The following DLG2 variants were observed in gnomAD, a reference collection of about 807,000 sequenced individuals.
DLG2 encodes the protein discs large MAGUK scaffold protein 2, also known as disks large homolog 2.
DLG2 carries 45 observed loss-of-function variants against 132.5 expected under a neutral mutation model. The observed-to-expected ratio is 0.34, with a 90% CI of 0.27 to 0.44. DLG2 has a LOEUF of 0.44. Ranked by LOEUF, DLG2 falls within the 20% of genes least tolerant of loss-of-function variation. The pLI, the probability that DLG2 is intolerant of heterozygous loss-of-function variation, is 1.00. For synonymous variants in DLG2, 424 were observed against 419.6 expected, an observed-to-expected ratio of 1.01 and a Z score of -0.13; for missense variants, 1,045 against 1,196.9, an observed-to-expected ratio of 0.87 and a Z score of 1.87.
At chr11:84,477,569 AAAGCC>A (rs1371962067) in intron 7 of DLG2, among the ~76,000 whole-genome samples, 1 of 152,168 alleles carries the variant, frequency 6.6e-6, no homozygotes, top group Non-Finnish European at 1.5e-5. Flanking sequence ...CCAGAATGAG[AAAGCC>A]CTGCAAATAA....
chr11:84,242,888 G>A (rs1315260017), intron 8 of DLG2, among the ~76,000 whole-genome samples: 2 of 151,872 alleles, frequency 1.3e-5, no homozygotes, highest in Non-Finnish European at 2.9e-5. Context: ...CACAATTCCT[G>A]GAGAGTGCTG....
At chr11:83,710,786 C>T (rs1050309754) in intron 18 of DLG2, among the ~76,000 whole-genome samples, 5 of 151,684 alleles carry the variant, frequency 3.3e-5, no homozygotes, top group African/African-American at 9.7e-5. Context: ...TTTCTAGTAG[C>T]GAGAAGAAGC....
chr11:83,802,897 G>A (rs1394612340), intron 17 of DLG2, among the ~76,000 whole-genome samples: 3 of 152,062 alleles, frequency 2.0e-5, no homozygotes, highest in South Asian at 2.1e-4. Context: ...GTGGGGAGGG[G>A]AGAAATGCTG....
chr11:84,058,191 A>G (rs1355627289), intron 11 of DLG2, among the ~76,000 whole-genome samples: 2 of 152,284 alleles, frequency 1.3e-5, no homozygotes, highest in Non-Finnish European at 2.9e-5. Context: ...TAGATTTTAA[A>G]GAAATGAGAA....
intron 6 of DLG2, among the ~76,000 whole-genome samples, chr11:84,797,135 C>A (rs990182316): frequency 6.6e-6 from 1 of 152,252 alleles, no homozygotes; most frequent in East Asian, 1.9e-4. Flanking sequence ...GCGTGAGCCA[C>A]CATGCCCGGC....
intron 18 of DLG2, among the ~76,000 whole-genome samples, chr11:83,740,939 T>C (rs181124086): frequency 2.8e-4 from 43 of 152,178 alleles, no homozygotes; most frequent in African/African-American, 7.2e-4. Flanking sequence ...TAGCAGAACA[T>C]CAAAAAGTTA....
At chr11:84,707,872 T>A (rs1193558276) in intron 6 of DLG2, among the ~76,000 whole-genome samples, 1 of 151,862 alleles carries the variant, frequency 6.6e-6, no homozygotes, top group Admixed American at 6.6e-5. Flanking sequence ...CTTGGTAGCA[T>A]CCCAGAAATA....
Position 84,205,568 on chromosome 11 carries a change from A to G in DLG2, c.574-42057T>C, listed in dbSNP as rs538587555. On this transcript the variant is annotated intron_variant, in intron 8 of 27. Transcript: ENST00000376104. ...ACAGAATTAAATTAAAAAAAAAAACAAAAATAAAGTAACATATTTCTTAAT... is the reference window on the plus strand; with the variant it reads ...ACAGAATTAAATTAAAAAAAAAAACGAAAATAAAGTAACATATTTCTTAAT... Among the ~76,000 whole-genome samples the G allele has an allele frequency of 2.1e-3, 312 of 150,206 alleles. 2 individuals are homozygous for G. The highest frequency in any genetic ancestry group is 7.4e-3 in the African/African-American group (302 of 41,046).
intron 6 of DLG2, among the ~76,000 whole-genome samples, chr11:84,938,351 A>G (rs1000644874): frequency 1.3e-5 from 2 of 152,190 alleles, no homozygotes; most frequent in Non-Finnish European, 2.9e-5. Flanking sequence ...AGAGAATACT[A>G]GGTGACTAAA....
chr11:85,175,993 G>T (rs1353314119), intron 4 of DLG2, among the ~76,000 whole-genome samples: 1 of 152,196 alleles, frequency 6.6e-6, no homozygotes, highest in African/African-American at 2.4e-5. Flanking sequence ...AACATTCCAT[G>T]CTCATGGAGA....
chr11:85,566,910 G>C (rs951822815), intron 3 of DLG2, among the ~76,000 whole-genome samples: 6 of 152,078 alleles, frequency 3.9e-5, no homozygotes, highest in African/African-American at 1.4e-4. Flanking sequence ...TGTCCTGGTA[G>C]CATTTGTTGA....
At chr11:84,850,720 C>T (rs562607415) in intron 6 of DLG2, among the ~76,000 whole-genome samples, 1 of 151,766 alleles carries the variant, frequency 6.6e-6, no homozygotes, top group Non-Finnish European at 1.5e-5. Context: ...GATGAACATA[C>T]AAAAATCAGT....
At chr11:83,770,274 C>CTTTTTTTTT (rs1594049476) in intron 18 of DLG2, among the ~76,000 whole-genome samples, 12 of 108,648 alleles carry the variant, frequency 1.1e-4, no homozygotes, top group African/African-American at 3.0e-4. Flanking sequence ...TGTTTTTTTG[C>CTTTTTTTTT]TTTTTGTACA....
chr11:85,065,461 T>C (rs1222096957), intron 6 of DLG2, among the ~76,000 whole-genome samples: 1 of 151,586 alleles, frequency 6.6e-6, no homozygotes, highest in Admixed American at 6.6e-5. Flanking sequence ...TTAGGTATAA[T>C]GATTTCCCCA....
intron 5 of DLG2, among the ~76,000 whole-genome samples, chr11:85,149,695 G>A (rs927068405): frequency 6.6e-6 from 1 of 152,150 alleles, no homozygotes; most frequent in Admixed American, 6.5e-5. Flanking sequence ...TGTAGTGTTT[G>A]TGTTGCTTTA....
intron 6 of DLG2, among the ~76,000 whole-genome samples, chr11:84,957,631 C>T (rs574188416): frequency 6.6e-6 from 1 of 152,134 alleles, no homozygotes; most frequent in Non-Finnish European, 1.5e-5. Flanking sequence ...AGTGTTTTAT[C>T]CATTTATTAC....
At chr11:84,584,381 T>A (rs1374537969) in intron 6 of DLG2, among the ~76,000 whole-genome samples, 1 of 152,040 alleles carries the variant, frequency 6.6e-6, no homozygotes, top group Non-Finnish European at 1.5e-5. Flanking sequence ...TTATTTTTAT[T>A]TTTATTGACC....
intron 18 of DLG2, among the ~76,000 whole-genome samples, chr11:83,722,792 C>T (rs2088987607): frequency 6.6e-6 from 1 of 152,092 alleles, no homozygotes; most frequent in Non-Finnish European, 1.5e-5. Context: ...TCCCCAGAGC[C>T]ACAGAAATGC....
intron 8 of DLG2, among the ~76,000 whole-genome samples, chr11:84,198,181 A>G (rs2096547084): frequency 6.6e-6 from 1 of 152,118 alleles, no homozygotes; most frequent in Non-Finnish European, 1.5e-5. Context: ...CATTTTATAG[A>G]TGAGAATATG....
Sources: gnomAD v4.1 joint callset for allele counts (sites outside exome capture counted in the v4.1 genomes callset) on GRCh38, gnomAD v4.1.1 for gene constraint, MANE v1.5 for transcripts, NCBI Gene and HGNC (gene_info 2026-07-23, HGNC 2026-07-21) for gene names.